Variants in ASAH2 observed in about 807,000 individuals in gnomAD.
The protein encoded by ASAH2 is neutral ceramidase.
A neutral mutation model predicts 82.9 loss-of-function variants in ASAH2; 58 were observed. The ratio of observed to expected loss-of-function variants is 0.70; its 90% CI spans 0.57 to 0.87. ASAH2 has a LOEUF of 0.87. Ranked by LOEUF, ASAH2 falls within the 40% of genes least tolerant of loss-of-function variation. The pLI, the probability that ASAH2 is intolerant of heterozygous loss-of-function variation, is 0.00. For synonymous variants in ASAH2, 276 were observed against 289.7 expected (o/e 0.95, Z 0.48); for missense variants, 779 against 834.0 (o/e 0.93, Z 0.81).
intron 12 of ASAH2, among the ~76,000 whole-genome samples, chr10:50,206,849 A>G (rs1210115492): frequency 6.6e-6 from 1 of 151,936 alleles, no homozygotes; most frequent in Non-Finnish European, 1.5e-5. Context: ...CTACCAATCT[A>G]TAGAATACTC....
rs1360107480 is a variant in ASAH2, at chr10:50,199,996, G to GT, written c.1762-851dup. On this transcript the variant is annotated intron_variant, in intron 16 of 20. Coordinates refer to ENST00000682911, the MANE Select transcript of ASAH2 (RefSeq NM_019893.4). ...TATAGGTAAATCACATGTCATGAGG[G>GT]TTGGTTATACAGATTATTTCATCAT... 1.3e-5 allele frequency among the ~76,000 whole-genome samples: 2 copies of GT among 150,968 alleles called. 1 individual carries two copies. The highest frequency in any genetic ancestry group is 4.9e-5 in the African/African-American group (2 of 40,972).
rs878958733 is a variant in ASAH2, at chr10:50,217,229, C to CTT, written c.1014+1279_1014+1280dup. Among the ~76,000 whole-genome samples the CTT allele has an allele frequency of 4.5e-3, 617 of 136,842 alleles. 2 individuals carry two copies. Among genetic ancestry groups the CTT allele is most frequent in the Non-Finnish European group, 5.3e-3 (342 of 64,800 alleles). The allele number at this position is 136,842 out of a possible 152,430, so 89.8% of individuals were successfully genotyped here. On this transcript the variant is annotated intron_variant, in intron 8 of 20. Coordinates refer to ENST00000682911, the MANE Select transcript of ASAH2 (RefSeq NM_019893.4). ...CATCCTAGTTCCTCTTGTTTTCTTT[C>CTT]TTTTTTTTTTTTTTTTGAGACGGAG...
chr10:50,209,878 C>G (rs1845405991), intron 12 of ASAH2, among the ~76,000 whole-genome samples: 1 of 152,022 alleles, frequency 6.6e-6, no homozygotes, highest in Non-Finnish European at 1.5e-5. Flanking sequence ...TTCAGTAAGT[C>G]AGATAATAAC....
At position 50,185,110 on chromosome 10, in the gene ASAH2, A is replaced by G. The variant is rs1290343896; in HGVS notation, c.*2205T>C. 1 of 150,932 alleles carries G rather than the reference A, an allele frequency of 6.6e-6. No individual in the cohort carries two copies. The highest frequency in any genetic ancestry group is 1.5e-5 in the Non-Finnish European group (1 of 67,696). The allele number at this position is 150,932 out of a possible 1,614,324, so 9.3% of individuals were successfully genotyped here. Reference sequence around the variant, plus strand: ...CTGCCATATTCCACTTTTTCCACCAATTTCAGGAGTTTCTGCCACATGGTT... The same window carrying G: ...CTGCCATATTCCACTTTTTCCACCAGTTTCAGGAGTTTCTGCCACATGGTT... On this transcript the variant is annotated 3_prime_UTR_variant, in exon 21 of 21. Transcript: ENST00000682911.
chr10:50,236,124 A>G (rs1846154061), intron 4 of ASAH2, 60 bp from the exon 5 acceptor site: 4 of 1,486,288 alleles, frequency 2.7e-6, no homozygotes, highest in Non-Finnish European at 3.8e-6. Context: ...CAACATGAGA[A>G]AAGGCTTTGA....
chr10:50,218,124 AAAAAATAAAAT>A lies in ASAH2; in HGVS notation c.1014+375_1014+385del, dbSNP rs1427956399. On this transcript the variant is annotated intron_variant, in intron 8 of 20. Transcript: ENST00000682911. ...GGGTGATAGAGTGAAACTCTGTCTC[AAAAAATAAAAT>A]AAAAATAAAAATGGTGCTTAATCCT... Among the ~76,000 whole-genome samples, 5 of 20,680 alleles carry A rather than the reference AAAAAATAAAAT, an allele frequency of 2.4e-4. No individual in the cohort carries two copies. In the Non-Finnish European group the frequency reaches 0.036, roughly 148 times the overall value. 13.6% of individuals were successfully genotyped at this position (20,680 alleles called of 152,430 possible).
intron 13 of ASAH2, 42 bp from the exon 14 acceptor site, chr10:50,204,997 C>A: frequency 7.2e-7 from 1 of 1,379,694 alleles, no homozygotes; most frequent in South Asian, 1.3e-5. Flanking sequence ...GGATAACACT[C>A]TCTCTATGGT....
chr10:50,230,766 G>A (rs1175349880), intron 7 of ASAH2, among the ~76,000 whole-genome samples: 1 of 152,060 alleles, frequency 6.6e-6, no homozygotes, highest in East Asian at 1.9e-4. Context: ...AACTGGCCAG[G>A]TGCAGTAGCT....
rs915984218 is a variant in ASAH2 at position 50,231,821 on chromosome 10, T to C, written c.893+1363A>G. Among the ~76,000 whole-genome samples the C allele has an allele frequency of 4.8e-3, 737 of 152,284 alleles. 4 individuals carry two copies. The highest frequency in any genetic ancestry group is 7.6e-3 in the Non-Finnish European group (514 of 68,008). ...TTCAAGCATTCTAATATGCTGGTAATGGAATTATTCAGAAGAGGTAGAATA... is the reference window on the plus strand; with the variant it reads ...TTCAAGCATTCTAATATGCTGGTAACGGAATTATTCAGAAGAGGTAGAATA... On this transcript the variant is annotated intron_variant, in intron 7 of 20. Transcript: ENST00000682911.
intron 1 of ASAH2, among the ~76,000 whole-genome samples, chr10:50,249,684 T>C (rs1454683501): frequency 3.9e-5 from 6 of 152,238 alleles, no homozygotes; most frequent in African/African-American, 1.4e-4. Context: ...AGTACTTCTT[T>C]TGTTCAATAA....
chr10:50,248,332 G>T, intron 2 of ASAH2, 152 bp downstream of exon 2: 1 of 907,502 alleles, frequency 1.1e-6, no homozygotes, highest in East Asian at 2.7e-5. Context: ...AATGCAGAAT[G>T]GGCAATTAAT....
intron 5 of ASAH2, 151 bp from the exon 6 acceptor site, chr10:50,234,703 T>G: frequency 1.8e-6 from 2 of 1,119,724 alleles, no homozygotes; most frequent in Non-Finnish European, 2.7e-6. Context: ...ACCACATCGC[T>G]GTTGACAATC....
At chr10:50,222,817 T>A (rs1845782117) in intron 7 of ASAH2, among the ~76,000 whole-genome samples, 1 of 152,198 alleles carries the variant, frequency 6.6e-6, no homozygotes, top group Non-Finnish European at 1.5e-5. Flanking sequence ...AGAAAGGTGA[T>A]CATTTTAATT....
chr10:50,218,961 G>A (rs1477202226), intron 7 of ASAH2, among the ~76,000 whole-genome samples: 1 of 152,192 alleles, frequency 6.6e-6, no homozygotes, highest in Non-Finnish European at 1.5e-5. Flanking sequence ...TAGGCACACA[G>A]GTAGTAATTA....
chr10:50,248,851 C>A (rs1483963262), intron 1 of ASAH2, among the ~76,000 whole-genome samples: 1 of 152,214 alleles, frequency 6.6e-6, no homozygotes, highest in Non-Finnish European at 1.5e-5. Flanking sequence ...GTTTCCAAAT[C>A]TTTCTCAACA....
chr10:50,237,094 A>G (rs1846181247), intron 4 of ASAH2, among the ~76,000 whole-genome samples: 1 of 152,208 alleles, frequency 6.6e-6, no homozygotes, highest in South Asian at 2.1e-4. Context: ...AGATGAAGAA[A>G]GCAAGTCGGC....
intron 2 of ASAH2, 128 bp from the exon 3 acceptor site, chr10:50,245,582 T>A: frequency 1.2e-6 from 1 of 828,960 alleles, no homozygotes; most frequent in Non-Finnish European, 1.8e-6. Context: ...TACATAAAAA[T>A]ATATAGACAG....
intron 5 of ASAH2, among the ~76,000 whole-genome samples, chr10:50,235,643 T>C (rs1846139554): frequency 6.6e-6 from 1 of 152,130 alleles, no homozygotes; most frequent in African/African-American, 2.4e-5. Context: ...TTTCTGTCTG[T>C]TTAAATAACT....
At chr10:50,225,682 G>C (rs1845863810) in intron 7 of ASAH2, among the ~76,000 whole-genome samples, 1 of 152,256 alleles carries the variant, frequency 6.6e-6, no homozygotes, top group Admixed American at 6.5e-5. Flanking sequence ...CAACAAAGGG[G>C]TGTTGGGCAA....
Sources: allele counts gnomAD v4.1 joint callset (sites outside exome capture counted in the v4.1 genomes callset), GRCh38; gene constraint gnomAD v4.1.1; transcripts MANE v1.5; gene names NCBI Gene and HGNC (gene_info 2026-07-23, HGNC 2026-07-21).